Variants in NHEJ1 observed in about 807,000 individuals in gnomAD.
The protein encoded by NHEJ1 is non-homologous end-joining factor 1.
NHEJ1 carries 22 observed loss-of-function variants against 39.4 expected under a neutral mutation model. The observed-to-expected ratio is 0.56, with a 90% CI of 0.40 to 0.80. The LOEUF (loss-of-function observed/expected upper bound fraction) is 0.80. Ranked by LOEUF, NHEJ1 falls within the 30% of genes least tolerant of loss-of-function variation. The pLI, the probability that NHEJ1 is intolerant of heterozygous loss-of-function variation, is 0.00. For missense variants in NHEJ1, 329 were observed against 357.1 expected, an observed-to-expected ratio of 0.92 and a Z score of 0.63; for synonymous variants, 154 against 135.6, an observed-to-expected ratio of 1.14 and a Z score of -0.94.
chr2:219,155,163 C>A (rs1204613813), intron 3 of NHEJ1, among the ~76,000 whole-genome samples: 2 of 151,552 alleles, frequency 1.3e-5, no homozygotes, highest in Non-Finnish European at 2.9e-5. Context: ...ATGAGATTAG[C>A]TATTGCTAGG....
chr2:219,153,133 G>A (rs1280515797), intron 3 of NHEJ1, among the ~76,000 whole-genome samples: 4 of 152,234 alleles, frequency 2.6e-5, no homozygotes, highest in African/African-American at 9.6e-5. Context: ...AAAAGTTATG[G>A]AGTTGAAATA....
At chr2:219,077,421 G>A (rs867900786) in intron 6 of NHEJ1, 57 bp from the exon 7 acceptor site, 3 of 1,302,272 alleles carry the variant, frequency 2.3e-6, no homozygotes, top group Non-Finnish European at 3.3e-6. Context: ...TTACCAGGAA[G>A]ATATTAGCAT....
At chr2:219,106,183 T>A (rs1036383756) in intron 5 of NHEJ1, among the ~76,000 whole-genome samples, 1 of 152,138 alleles carries the variant, frequency 6.6e-6, no homozygotes, top group Non-Finnish European at 1.5e-5. Context: ...AGAGAAATGG[T>A]CTTTTTCTCT....
In NHEJ1 at chr2:219,110,619, G is replaced by C. The variant is rs530767608; in HGVS notation, c.589-32413C>G. On this transcript the variant is annotated intron_variant, in intron 5 of 7. Transcript: ENST00000356853. ...CAGAGACAGAAAGTGCTGGTGGGGT[G>C]GGGGTGGAGGTGGGGCTGAAATTTT... 8.0e-4 allele frequency among the ~76,000 whole-genome samples: 122 copies of C among 152,106 alleles called. 1 individual carries two copies. The highest frequency in any genetic ancestry group is 3.4e-3 in the Middle Eastern group (1 of 294).
chr2:219,086,907 G>C (rs962300127), intron 5 of NHEJ1, among the ~76,000 whole-genome samples: 3 of 152,096 alleles, frequency 2.0e-5, no homozygotes, highest in African/African-American at 7.2e-5. Context: ...GAGGGCCAGA[G>C]CCTAAACTGT....
intron 5 of NHEJ1, among the ~76,000 whole-genome samples, chr2:219,139,715 C>A (rs961142768): frequency 6.6e-6 from 1 of 152,190 alleles, no homozygotes; most frequent in East Asian, 1.9e-4. Context: ...CTCGCTCTTT[C>A]GCCCAGACTG....
intron 5 of NHEJ1, among the ~76,000 whole-genome samples, chr2:219,087,682 T>C (rs1949123997): frequency 6.6e-6 from 1 of 151,844 alleles, no homozygotes; most frequent in Non-Finnish European, 1.5e-5. Context: ...CCACACACAC[T>C]CAAAATAAGG....
intron 5 of NHEJ1, among the ~76,000 whole-genome samples, chr2:219,114,501 T>C (rs1949392999): frequency 6.6e-6 from 1 of 152,122 alleles, no homozygotes; most frequent in South Asian, 2.1e-4. Flanking sequence ...ACATTGAAGA[T>C]GACAGCAGCA....
intron 3 of NHEJ1, among the ~76,000 whole-genome samples, chr2:219,151,974 C>CAAT (rs895861938): frequency 2.6e-5 from 4 of 151,872 alleles, no homozygotes; most frequent in Admixed American, 6.6e-5. Context: ...TCTCAAATAA[C>CAAT]AATAATAATA....
intron 1 of NHEJ1, chr2:219,158,819 G>A: frequency 5.6e-6 from 1 of 178,820 alleles, no homozygotes; most frequent in Non-Finnish European, 1.2e-5. Flanking sequence ...GTCAGGGCCA[G>A]GAAATTCGAA....
chr2:219,093,985 A>G (rs1427728406), intron 5 of NHEJ1, among the ~76,000 whole-genome samples: 1 of 152,228 alleles, frequency 6.6e-6, no homozygotes, highest in African/African-American at 2.4e-5. Flanking sequence ...GAGGCTCTAG[A>G]GAAAAATTAG....
At chr2:219,148,227 C>A (rs1949761374) in intron 3 of NHEJ1, among the ~76,000 whole-genome samples, 1 of 152,210 alleles carries the variant, frequency 6.6e-6, no homozygotes, top group African/African-American at 2.4e-5. Context: ...CCACTGCATT[C>A]TAGCCTGGGT....
intron 1 of NHEJ1, 92 bp downstream of exon 1, chr2:219,160,628 G>A (rs532869265): frequency 2.0e-5 from 3 of 151,818 alleles, no homozygotes; most frequent in Non-Finnish European, 4.4e-5. Context: ...CTCCCTCCAG[G>A]GAGAAAAGGC....
rs1282129524 is a variant in NHEJ1 at position 219,157,481 on chromosome 2, A to G, written c.381T>C (p.Ser127=). The G allele has an allele frequency of 3.1e-6, 5 of 1,613,450 alleles. No individual in the cohort carries two copies. The highest frequency in any genetic ancestry group is 4.2e-6 in the Non-Finnish European group (5 of 1,179,742). The change falls in exon 3 of 8, where the codon AGT becomes AGC. Residue 127 remains serine, a synonymous_variant. Transcript: ENST00000356853. ...FYWNFHCMLA[S]PSLVSQHLIR... The stretch of plus-strand genomic sequence containing the variant: ...TTCGAATTACACTTACCAGGGAAGG[A>G]CTAGCTAGCATGCAGTGGAAATTCC...
chr2:219,099,729 C>T (rs756379680), intron 5 of NHEJ1, among the ~76,000 whole-genome samples: 2 of 150,294 alleles, frequency 1.3e-5, no homozygotes, highest in African/African-American at 5.0e-5. Context: ...AAACAGCCAC[C>T]GTGTGAGAGT....
intron 5 of NHEJ1, among the ~76,000 whole-genome samples, chr2:219,104,263 G>C (rs1356867172): frequency 2.0e-5 from 3 of 152,146 alleles, no homozygotes; most frequent in Admixed American, 2.0e-4. Flanking sequence ...GAAGGAAAAA[G>C]GGGATTTCTG....
In NHEJ1 at chr2:219,146,735, C is replaced by T. The variant is rs1949744959; in HGVS notation, c.533G>A (p.Arg178Gln). ...QESGATLIRD[R>Q]LKTEPFEENS... ...TTCTTCAAATGGTTCTGTCTTCAAT[C>T]GATCTGTAATAAGAAGGATCAGAAA... is the stretch of plus-strand genomic sequence containing the variant. The change falls in exon 5 of 8, where the codon CGA (arginine) becomes CAA (glutamine). Residue 178 changes from arginine (R) to glutamine (Q), a missense_variant. Transcript: ENST00000356853. 4.4e-6 allele frequency: 7 copies of T among 1,607,880 alleles called. No individual in the cohort carries two copies. The highest frequency in any genetic ancestry group is 3.3e-5 in the Admixed American group (2 of 59,984).
chr2:219,112,628 A>G (rs2106340162), intron 5 of NHEJ1, among the ~76,000 whole-genome samples: 1 of 152,208 alleles, frequency 6.6e-6, no homozygotes, highest in Non-Finnish European at 1.5e-5. Context: ...CAAAAGTCAT[A>G]CTCAGGTTGC....
intron 5 of NHEJ1, among the ~76,000 whole-genome samples, chr2:219,103,283 C>T (rs75548919): frequency 0.016 from 2,325 of 148,266 alleles, 62 homozygotes; most frequent in African/African-American, 0.054. Context: ...TTTATTTTTT[C>T]TTTTTTCTTT....
Sources: gnomAD v4.1 joint callset for allele counts (sites outside exome capture counted in the v4.1 genomes callset) on GRCh38, gnomAD v4.1.1 for gene constraint, MANE v1.5 for transcripts, NCBI Gene and HGNC (gene_info 2026-07-23, HGNC 2026-07-21) for gene names.